Variants in ANTXRL observed in about 807,000 individuals in gnomAD.
The protein encoded by ANTXRL is ANTXR like.
A neutral mutation model predicts 75.4 loss-of-function variants in ANTXRL; 63 were observed. That is an observed-to-expected ratio of 0.84 (90% CI 0.68 to 1.03). The LOEUF is 1.03. ANTXRL is among the 50% of genes least tolerant of loss of function. The pLI is 0.00. For synonymous variants in ANTXRL, 335 were observed against 291.3 expected, an observed-to-expected ratio of 1.15 and a Z score of -1.53; for missense variants, 797 against 789.4, an observed-to-expected ratio of 1.01 and a Z score of -0.12.
intron 12 of ANTXRL, 25 bp from the exon 13 acceptor site, chr10:46,309,088 C>G: frequency 2.0e-6 from 3 of 1,535,502 alleles, no homozygotes; most frequent in Non-Finnish European, 2.6e-6. Context: ...CGAGGCCCTC[C>G]TATGGTGCTC....
chr10:46,300,593 C>T (rs34370503), intron 9 of ANTXRL, among the ~76,000 whole-genome samples: 10,237 of 148,978 alleles, frequency 0.069, 916 homozygotes, highest in African/African-American at 0.2. Context: ...TCTGGGCGCC[C>T]TGTGCAGAGG....
intron 12 of ANTXRL, among the ~76,000 whole-genome samples, chr10:46,307,917 C>A (rs1398152520): frequency 6.6e-6 from 1 of 152,140 alleles, no homozygotes; most frequent in African/African-American, 2.4e-5. Flanking sequence ...TCTCTGCTCC[C>A]TCGCCAAGCC....
chr10:46,290,517 C>G (rs1836941925), intron 1 of ANTXRL, among the ~76,000 whole-genome samples: 1 of 152,168 alleles, frequency 6.6e-6, no homozygotes, highest in Non-Finnish European at 1.5e-5. Flanking sequence ...CTATGTTTAG[C>G]TTTCTGAGGA....
chr10:46,297,682 T>A (rs1554959296), intron 7 of ANTXRL, 149 bp from the exon 8 acceptor site: 9 of 851,350 alleles, frequency 1.1e-5, no homozygotes, highest in Non-Finnish European at 1.5e-5. Flanking sequence ...TCCCTAAGAG[T>A]GGGCTGCTGG....
intron 9 of ANTXRL, among the ~76,000 whole-genome samples, chr10:46,300,081 G>A (rs1431610276): frequency 2.0e-5 from 3 of 152,200 alleles, no homozygotes; most frequent in Non-Finnish European, 4.4e-5. Flanking sequence ...TCAACCCCAG[G>A]TGAGGATGTG....
chr10:46,297,939 G>T (rs191932586), intron 8 of ANTXRL, 28 bp downstream of exon 8: 51 of 1,535,744 alleles, frequency 3.3e-5, no homozygotes, highest in Middle Eastern at 3.3e-4. Flanking sequence ...AGGGGCTGGG[G>T]ACCTGGATCC....
chr10:46,300,655 G>C lies in ANTXRL; in HGVS notation c.797-2067G>C, dbSNP rs111287028. Reference sequence around the variant, plus strand: ...TGCAAGCCTTGCCTCACCTTGAAGGGCCGAGCCCACCTGTCCTTCACAGCC... The same window carrying C: ...TGCAAGCCTTGCCTCACCTTGAAGGCCCGAGCCCACCTGTCCTTCACAGCC... On this transcript the variant is annotated intron_variant, in intron 9 of 16. Coordinates refer to ENST00000620264, the MANE Select transcript of ANTXRL (RefSeq NM_001278688.3). Among the ~76,000 whole-genome samples, 296 of 152,198 alleles carry C rather than the reference G, an allele frequency of 1.9e-3. 1 individual carries two copies. The highest frequency in any genetic ancestry group is 3.5e-3 in the Non-Finnish European group (239 of 68,016).
intron 12 of ANTXRL, 139 bp downstream of exon 12, chr10:46,307,619 C>A: frequency 1.2e-6 from 1 of 834,612 alleles, no homozygotes; most frequent in Non-Finnish European, 1.9e-6. Flanking sequence ...GCTGCTCCAA[C>A]CCGGCTTCTG....
Position 46,297,680 on chromosome 10 carries a change from A to G in ANTXRL, c.655-151A>G, listed in dbSNP as rs536500907. The G allele has an allele frequency of 1.2e-4, 98 of 850,140 alleles. 2 individuals carry two copies. The South Asian group carries it at 1.5e-3, about 13-fold the overall frequency. 52.7% of individuals were successfully genotyped at this position (850,140 alleles called of 1,614,324 possible). ...GTGGAAGAGCTCCCCGCTCCCTAAG[A>G]GTGGGCTGCTGGCTGGAGAAGTCTG... is the stretch of plus-strand genomic sequence containing the variant. On this transcript the variant is annotated intron_variant, in intron 7 of 16. Coordinates refer to ENST00000620264, the MANE Select transcript of ANTXRL (RefSeq NM_001278688.3).
intron 10 of ANTXRL, among the ~76,000 whole-genome samples, chr10:46,304,962 T>C (rs1188408424): frequency 5.3e-5 from 8 of 152,158 alleles, no homozygotes; most frequent in South Asian, 2.1e-4. Flanking sequence ...CGTCTCACAG[T>C]GGGGAGCCCA....
chr10:46,306,463 T>C (rs534736699), intron 10 of ANTXRL, among the ~76,000 whole-genome samples: 16 of 152,288 alleles, frequency 1.1e-4, no homozygotes, highest in South Asian at 6.2e-4. Context: ...TGTCCCTTCC[T>C]CTCTGGTTCC....
chr10:46,290,419 G>T (rs79271291), intron 1 of ANTXRL, among the ~76,000 whole-genome samples: 5,471 of 152,130 alleles, frequency 0.036, 199 homozygotes, highest in East Asian at 0.12. Flanking sequence ...TGCTATGAAC[G>T]CTGGTGTATA....
At chr10:46,319,079 G>A (rs562673858) in intron 16 of ANTXRL, among the ~76,000 whole-genome samples, 55 of 152,272 alleles carry the variant, frequency 3.6e-4, no homozygotes, top group Non-Finnish European at 6.5e-4. Flanking sequence ...AGTATACTCC[G>A]CAGTTGGGTT....
chr10:46,316,752 C>T (rs1838747093), intron 16 of ANTXRL, among the ~76,000 whole-genome samples: 1 of 152,146 alleles, frequency 6.6e-6, no homozygotes, highest in Non-Finnish European at 1.5e-5. Context: ...CATTCAACGT[C>T]ATCTGAACAC....
intron 1 of ANTXRL, among the ~76,000 whole-genome samples, chr10:46,289,229 C>T (rs572924713): frequency 3.9e-5 from 6 of 152,270 alleles, no homozygotes; most frequent in Non-Finnish European, 5.9e-5. Context: ...GCCTCCCATG[C>T]GCTCCTATTC....
chr10:46,311,459 G>C (rs1838416642), intron 14 of ANTXRL, 51 bp from the exon 15 acceptor site: 2 of 1,490,536 alleles, frequency 1.3e-6, no homozygotes, highest in Admixed American at 4.2e-5. Flanking sequence ...GGAGTGGCCA[G>C]CACTGTGCCC....
At position 46,311,553 on chromosome 10, in the gene ANTXRL, C is replaced by T. The variant is rs1279905911; in HGVS notation, c.1217C>T (p.Pro406Leu). Residue 406 changes from proline to leucine, a missense_variant, in exon 15 of 17, where the codon CCG becomes CTG. Coordinates refer to ENST00000620264, the MANE Select transcript of ANTXRL (RefSeq NM_001278688.3). The stretch of plus-strand genomic sequence containing the variant: ...CCACCATCACCACCACCACCGCCTC[C>T]GCCTCCACCACCTCCACTCCCGCCT... ...EKPPSPPPPP[P>L]PPPPPLPPPP... 8 of 1,533,682 alleles carry T rather than the reference C, an allele frequency of 5.2e-6. No homozygotes were observed. The highest frequency in any genetic ancestry group is 5.2e-6 in the Non-Finnish European group (6 of 1,144,862).
At chr10:46,289,261 G>A (rs1306906874) in intron 1 of ANTXRL, among the ~76,000 whole-genome samples, 2 of 152,138 alleles carry the variant, frequency 1.3e-5, no homozygotes, top group African/African-American at 4.8e-5. Flanking sequence ...ACATTTGAGG[G>A]CTCTAAGTGG....
chr10:46,297,379 C>A, intron 6 of ANTXRL, 27 bp from the exon 7 acceptor site: 1 of 1,536,038 alleles, frequency 6.5e-7, no homozygotes, highest in Non-Finnish European at 8.7e-7. Context: ...TTTTGATGAC[C>A]AATATGCAAT....
Sources: allele counts gnomAD v4.1 joint callset (sites outside exome capture counted in the v4.1 genomes callset), GRCh38; gene constraint gnomAD v4.1.1; transcripts MANE v1.5; gene names NCBI Gene and HGNC (gene_info 2026-07-23, HGNC 2026-07-21).